The following TRIM71 variants were observed in gnomAD, a reference collection of about 807,000 sequenced individuals.
TRIM71 encodes E3 ubiquitin-protein ligase TRIM71.
Under a neutral mutation model 61.2 loss-of-function variants are expected in TRIM71, and 9 were observed. The ratio of observed to expected loss-of-function variants is 0.15; its 90% confidence interval spans 0.09 to 0.26. The LOEUF is 0.26. Among genes scored for constraint, TRIM71 ranks in the 10% least tolerant of loss-of-function variants. The pLI is 1.00. For synonymous variants in TRIM71, 645 were observed against 553.2 expected (o/e 1.17, Z -2.33); for missense variants, 998 against 1,238.7 (o/e 0.81, Z 2.92).
At position 32,885,985 on chromosome 3, in the gene TRIM71, A is replaced by C; in HGVS notation, c.1072A>C (p.Lys358Gln). The stretch of plus-strand genomic sequence containing the variant: ...GGCGGAACAGGTGGAGATGAAGGCG[A>C]AGGTTGTGCAGTCGGAGGTCAAAGC... ...TVAEQVEMKA[K>Q]VVQSEVKAVT... Residue 358 changes from lysine (K) to glutamine (Q), a missense_variant, in exon 3 of 4, where the codon AAG becomes CAG. By Grantham distance (53) the Lys-to-Gln change is moderately conservative (BLOSUM62 1). Around this residue, in one of 5 missense-constraint regions of TRIM71, gnomAD observed 291 missense variants for 431.2 expected, o/e 0.67. Transcript: ENST00000383763. 6.2e-7 allele frequency: 1 copy of C among 1,614,138 alleles called. No individual in the cohort carries two copies. The highest frequency in any genetic ancestry group is 8.5e-7 in the Non-Finnish European group (1 of 1,180,010).
chr3:32,855,242 A>C (rs897406156), intron 1 of TRIM71, among the ~76,000 whole-genome samples: 3 of 152,056 alleles, frequency 2.0e-5, no homozygotes, highest in African/African-American at 7.2e-5. Context: ...CTAGATACAC[A>C]TTTTCAGGGA....
chr3:32,873,538 T>C (rs1332691098), intron 1 of TRIM71, among the ~76,000 whole-genome samples: 2 of 152,232 alleles, frequency 1.3e-5, no homozygotes, highest in Admixed American at 6.5e-5. Flanking sequence ...GAAGTGTCTC[T>C]GTTACAGTTC....
rs2065166406 is a variant in TRIM71, at chr3:32,894,552, C to T, written c.*2741C>T. The T allele has an allele frequency of 6.6e-6, 1 of 152,200 alleles. No individual in the cohort carries two copies. Among genetic ancestry groups the T allele is most frequent in the Non-Finnish European group, 1.5e-5 (1 of 68,042 alleles). The allele number at this position is 152,200 out of a possible 1,614,324, so 9.4% of individuals were successfully genotyped here. A position where few individuals can be genotyped will look rare whatever the true frequency, so the allele number is the denominator to read the frequency against. ...TCCTCAGTGGTGGTATATCTATCTCCTTACCTTTCTGTACCCAAAATGGTG... is the reference window on the plus strand; with the variant it reads ...TCCTCAGTGGTGGTATATCTATCTCTTTACCTTTCTGTACCCAAAATGGTG... On this transcript the variant is annotated 3_prime_UTR_variant, in exon 4 of 4. Transcript: ENST00000383763.
At chr3:32,873,503 T>A (rs1018401349) in intron 1 of TRIM71, among the ~76,000 whole-genome samples, 2 of 151,762 alleles carry the variant, frequency 1.3e-5, no homozygotes, top group African/African-American at 4.8e-5. Flanking sequence ...TGCCAGGAGG[T>A]TTGTTTTGTT....
At chr3:32,856,954 G>GA (rs1416117263) in intron 1 of TRIM71, among the ~76,000 whole-genome samples, 1 of 152,130 alleles carries the variant, frequency 6.6e-6, no homozygotes, top group South Asian at 2.1e-4. Flanking sequence ...ATTTATGGGT[G>GA]AAAACAGCTC....
At chr3:32,880,287 C>G (rs1696894138) in intron 2 of TRIM71, among the ~76,000 whole-genome samples, 1 of 152,094 alleles carries the variant, frequency 6.6e-6, no homozygotes, top group Admixed American at 6.5e-5. Context: ...CTTCCACCTC[C>G]CAAAATGCTG....
intron 2 of TRIM71, among the ~76,000 whole-genome samples, chr3:32,884,614 G>A (rs10222489): frequency 4.0e-5 from 6 of 151,832 alleles, no homozygotes; most frequent in Non-Finnish European, 1.5e-5. Context: ...ATTAGTGATC[G>A]CCATGGGGTA....
rs75763149 is a variant in TRIM71, at chr3:32,891,637, G to A, written c.2433G>A (p.Ala811=). 5.7e-3 allele frequency: 9,238 copies of A among 1,613,052 alleles called. 416 individuals carry two copies. The African/African-American group carries it at 0.1, about 18-fold the overall frequency. ...AVDQEGRIIV[A]DSRNHRVQMF... Reference sequence around the variant, plus strand: ...ACCAGGAAGGGCGCATCATTGTGGCGGATTCCAGGAACCATCGGGTACAGA... The same window carrying A: ...ACCAGGAAGGGCGCATCATTGTGGCAGATTCCAGGAACCATCGGGTACAGA... The change falls in exon 4 of 4, where the codon GCG becomes GCA. Residue 811 remains alanine (A), a synonymous_variant. Transcript: ENST00000383763. The surrounding 1 kb of genome is among the most constrained non-coding windows in gnomAD (Gnocchi z 8.2).
At chr3:32,820,702 G>C (rs1335295447) in intron 1 of TRIM71, among the ~76,000 whole-genome samples, 2 of 152,200 alleles carry the variant, frequency 1.3e-5, no homozygotes, top group African/African-American at 4.8e-5. Flanking sequence ...TAGATGCTCA[G>C]TGTTGGCAGA....
chr3:32,829,967 C>T (rs6550164), intron 1 of TRIM71, among the ~76,000 whole-genome samples: 25,924 of 134,418 alleles, frequency 0.19, 2,469 homozygotes, highest in Middle Eastern at 0.35. Context: ...CTTGCTCTGT[C>T]GCCCAGGCTG....
At chr3:32,873,191 G>C (rs1022932454) in intron 1 of TRIM71, among the ~76,000 whole-genome samples, 2 of 151,288 alleles carry the variant, frequency 1.3e-5, no homozygotes, top group African/African-American at 2.4e-5. Context: ...GAATAACTTG[G>C]CATGAAGAAG....
At chr3:32,836,981 C>G (rs1696341598) in intron 1 of TRIM71, among the ~76,000 whole-genome samples, 1 of 152,132 alleles carries the variant, frequency 6.6e-6, no homozygotes, top group African/African-American at 2.4e-5. Context: ...TCTTTCTATA[C>G]AGAATTGCTA....
intron 1 of TRIM71, among the ~76,000 whole-genome samples, chr3:32,847,768 T>C (rs551280464): frequency 1.1e-4 from 16 of 152,348 alleles, no homozygotes; most frequent in South Asian, 2.1e-4. Context: ...CTCCCACATT[T>C]GCCTCTGAGT....
rs1212334505 is a variant in TRIM71 at position 32,873,059 on chromosome 3, CTCTT to C, written c.853-758_853-755del. On this transcript the variant is annotated intron_variant, in intron 1 of 3. Coordinates refer to ENST00000383763, the MANE Select transcript of TRIM71 (RefSeq NM_001039111.3). ...GTAAAGGTTGTGCCAGCCCTTCTCT[CTCTT>C]CCTCCCTCCCTCCCTCCCTCCCTCC... Among the ~76,000 whole-genome samples the C allele has an allele frequency of 7.7e-3, 856 of 111,676 alleles. 9 individuals are homozygous for C. The highest frequency in any genetic ancestry group is 0.018 in the African/African-American group (605 of 33,438). 73.3% of individuals were successfully genotyped at this position (111,676 alleles called of 152,430 possible).
At position 32,892,476 on chromosome 3, in the gene TRIM71, C is replaced by T. The variant is rs1225786858; in HGVS notation, c.*665C>T. On this transcript the variant is annotated 3_prime_UTR_variant, in exon 4 of 4. Transcript: ENST00000383763. ...GTGTGTTTAACATCCTCTTCTGCAT[C>T]GTTTCTTGATCTTAGACGTTGTGGC... 2 of 152,132 alleles carry T rather than the reference C, an allele frequency of 1.3e-5. No homozygotes were observed. The highest frequency in any genetic ancestry group is 2.9e-5 in the Non-Finnish European group (2 of 68,036). The allele number at this position is 152,132 out of a possible 1,614,324, so 9.4% of individuals were successfully genotyped here. A position where few individuals can be genotyped will look rare whatever the true frequency, so the allele number is the denominator to read the frequency against.
In TRIM71 at chr3:32,818,332, A is replaced by C. The variant is rs746221245; in HGVS notation, c.252A>C (p.Gly84=). ...RLPAAGGGAA[G]EPLKLRCPVC... ...CGGCGGCGGGCGGCGGCGCGGCGGG[A>C]GAGCCGCTCAAGCTGCGCTGCCCCG... The change falls in exon 1 of 4, where the codon GGA becomes GGC. Residue 84 remains glycine (G), a synonymous_variant. Transcript: ENST00000383763. 1.4e-6 allele frequency: 2 copies of C among 1,443,614 alleles called. No individual in the cohort carries two copies. The highest frequency in any genetic ancestry group is 1.8e-6 in the Non-Finnish European group (2 of 1,103,302). 89.4% of individuals were successfully genotyped at this position (1,443,614 alleles called of 1,614,324 possible).
chr3:32,838,283 G>C (rs1696357714), intron 1 of TRIM71, among the ~76,000 whole-genome samples: 1 of 152,102 alleles, frequency 6.6e-6, no homozygotes, highest in Admixed American at 6.5e-5. Flanking sequence ...GAGTGCAGTG[G>C]TGTGAGCTCC....
chr3:32,891,808 C>G lies in TRIM71; in HGVS notation c.2604C>G (p.Phe868Leu), dbSNP rs1207914442. 19 of 1,613,582 alleles carry G rather than the reference C, an allele frequency of 1.2e-5. No homozygotes were observed. Among genetic ancestry groups the G allele is most frequent in the Non-Finnish European group, 1.6e-5 (19 of 1,179,996 alleles). The stretch of plus-strand genomic sequence containing the variant: ...TTGGCAACAATCGAATCCTCGTCTT[C>G]TAATTGCATTTCCTAGGTTTCTGTG... ...VDFGNNRILV[F>L] The change falls in exon 4 of 4, where the codon TTC becomes TTG. Residue 868 changes from phenylalanine to leucine, a missense_variant. Transcript: ENST00000383763. The surrounding 1 kb of genome is among the most constrained non-coding windows in gnomAD (Gnocchi z 8.2).
At chr3:32,864,722 G>A (rs1380112397) in intron 1 of TRIM71, among the ~76,000 whole-genome samples, 1 of 152,184 alleles carries the variant, frequency 6.6e-6, no homozygotes, top group Non-Finnish European at 1.5e-5. Flanking sequence ...GGATAGTCTG[G>A]GTAAAGGAAA....
Sources: gnomAD v4.1 joint callset for allele counts (sites outside exome capture counted in the v4.1 genomes callset) on GRCh38, gnomAD v4.1.1 for gene constraint, gnomAD v4.1.1 regional missense constraint, Gnocchi (gnomAD v3.1) non-coding constraint, MANE v1.5 for transcripts, NCBI Gene and HGNC (gene_info 2026-07-23, HGNC 2026-07-21) for gene names.